NAP1L1: variants seen among roughly 807,000 people sequenced by gnomAD.
NAP1L1 encodes nucleosome assembly protein 1-like 1.
NAP1L1 carries 9 observed loss-of-function variants against 58.9 expected under a neutral mutation model. That is an observed-to-expected ratio of 0.15 (90% CI 0.09 to 0.27). The LOEUF (loss-of-function observed/expected upper bound fraction) is 0.27, where lower values mean the gene tolerates loss of function less well. Ranked by LOEUF, NAP1L1 falls within the 10% of genes least tolerant of loss-of-function variation. The probability of loss-of-function intolerance (pLI) is 1.00; values close to 1 mark genes in which losing one functional copy is unlikely to be tolerated. For missense variants in NAP1L1, 302 were observed against 458.8 expected (o/e 0.66, Z 3.12); for synonymous variants, 130 against 138.3 (o/e 0.94, Z 0.42).
chr12:76,073,376 C>T (rs1402943918), intron 2 of NAP1L1, among the ~76,000 whole-genome samples: 2 of 152,144 alleles, frequency 1.3e-5, no homozygotes, highest in South Asian at 2.1e-4. Flanking sequence ...TGTACCTCAT[C>T]CCATTCTTCC....
chr12:76,079,765 C>A (rs1225742247), intron 1 of NAP1L1, among the ~76,000 whole-genome samples: 1 of 151,326 alleles, frequency 6.6e-6, no homozygotes, highest in East Asian at 1.9e-4. Context: ...CTCACTGCAG[C>A]CTTGACCTCA....
At chr12:76,060,670 A>G (rs2137015925) in intron 4 of NAP1L1, among the ~76,000 whole-genome samples, 2 of 152,350 alleles carry the variant, frequency 1.3e-5, no homozygotes, top group Middle Eastern at 3.4e-3. Context: ...GAGCATAGAC[A>G]TATCAGGAAA....
chr12:76,080,803 A>T (rs1261716054), intron 1 of NAP1L1, among the ~76,000 whole-genome samples: 1 of 152,198 alleles, frequency 6.6e-6, no homozygotes, highest in African/African-American at 2.4e-5. Flanking sequence ...CAGCACTGAG[A>T]GATGGGGGTC....
At chr12:76,069,180 C>G (rs1405151382) in intron 2 of NAP1L1, among the ~76,000 whole-genome samples, 186 bp from the exon 3 acceptor site, 1 of 152,218 alleles carries the variant, frequency 6.6e-6, no homozygotes, top group Non-Finnish European at 1.5e-5. Flanking sequence ...CTTACACTTT[C>G]ATTAAAAGCA....
rs1161189253 is a variant in NAP1L1 at position 76,053,923 on chromosome 12, G to GCATA, written c.631-18_631-15dup. 6.3e-7 allele frequency: 1 copy of GCATA among 1,591,490 alleles called. No homozygotes were observed. The highest frequency in any genetic ancestry group is 8.5e-7 in the Non-Finnish European group (1 of 1,173,654). ...TAAGACAAAACTCTGGGGAGAGGAA[G>GCATA]CATAAAAATCAGTTAAATACCTACC... On this transcript the variant is annotated splice_polypyrimidine_tract_variant and intron_variant, in intron 8 of 14. Transcript: ENST00000618691.
intron 1 of NAP1L1, chr12:76,083,918 G>A (rs1255610246): frequency 6.6e-6 from 1 of 152,246 alleles, no homozygotes; most frequent in Non-Finnish European, 1.5e-5. Context: ...CCCAGCCAGT[G>A]GCCATGAAGC....
chr12:76,074,178 A>G (rs1290050371), intron 2 of NAP1L1, 25 bp downstream of exon 2: 1 of 1,570,050 alleles, frequency 6.4e-7, no homozygotes, highest in African/African-American at 1.4e-5. Context: ...AATCTCTGAA[A>G]AAGAACCAAC....
intron 13 of NAP1L1, 25 bp downstream of exon 13, chr12:76,049,731 T>G (rs779642243): frequency 3.7e-6 from 6 of 1,611,586 alleles, no homozygotes; most frequent in Non-Finnish European, 5.1e-6. Context: ...CACAGAGAAT[T>G]ATTTGCTCAT....
At chr12:76,063,503 A>C (rs1434555119) in intron 4 of NAP1L1, among the ~76,000 whole-genome samples, 2 of 152,222 alleles carry the variant, frequency 1.3e-5, no homozygotes. Flanking sequence ...AATAATAAAG[A>C]AGCAAACATT....
At chr12:76,080,473 A>C (rs145944846) in intron 1 of NAP1L1, among the ~76,000 whole-genome samples, 8 of 152,334 alleles carry the variant, frequency 5.3e-5, no homozygotes, top group Admixed American at 1.3e-4. Context: ...TAGGAACAAC[A>C]AACAGGCTAT....
At chr12:76,057,760 A>C in intron 6 of NAP1L1, 1 of 1,550,654 alleles carries the variant, frequency 6.4e-7, no homozygotes, top group Non-Finnish European at 8.7e-7. Flanking sequence ...AAATTCACCC[A>C]AACAAGAAGC....
At position 76,053,702 on chromosome 12, in the gene NAP1L1, C is replaced by T. The variant is rs979674054; in HGVS notation, c.770+68G>A. ...ATGTACATATGTAACTGAAAATAACCGAGTATACAAATCAAGTATAACAAA... is the reference window on the plus strand; with the variant it reads ...ATGTACATATGTAACTGAAAATAACTGAGTATACAAATCAAGTATAACAAA... On this transcript the variant is annotated intron_variant, in intron 9 of 14. Coordinates refer to ENST00000618691, the MANE Select transcript of NAP1L1 (RefSeq NM_004537.7). 7.2e-6 allele frequency: 11 copies of T among 1,529,670 alleles called. No homozygotes were observed. In the Admixed American group the frequency reaches 1.2e-4, roughly 17 times the overall value. The allele number at this position is 1,529,670 out of a possible 1,614,324, so 94.8% of individuals were successfully genotyped here.
In NAP1L1 at chr12:76,070,459, T is replaced by C. The variant is rs145394564; in HGVS notation, c.18-1465A>G. 1.1e-4 allele frequency among the ~76,000 whole-genome samples: 16 copies of C among 152,326 alleles called. No homozygotes were observed. The East Asian group carries it at 2.5e-3, about 24-fold the overall frequency. On this transcript the variant is annotated intron_variant, in intron 2 of 14. Transcript: ENST00000618691. ...ATAAACTTTAAGTGTTTGATAAGTG[T>C]ACACACTTAACGGTCACTGGTTACA...
intron 4 of NAP1L1, among the ~76,000 whole-genome samples, chr12:76,064,267 A>C (rs1389660006): frequency 6.6e-6 from 1 of 152,246 alleles, no homozygotes; most frequent in Non-Finnish European, 1.5e-5. Context: ...AGAAATGTTC[A>C]TCACAAATAT....
intron 1 of NAP1L1, among the ~76,000 whole-genome samples, chr12:76,077,931 C>T (rs1481295419): frequency 6.2e-5 from 8 of 130,014 alleles, no homozygotes; most frequent in East Asian, 2.3e-4. Flanking sequence ...TGCAGTGAGC[C>T]GAGATCACAC....
At chr12:76,065,972 G>A (rs750832921) in intron 4 of NAP1L1, among the ~76,000 whole-genome samples, 9 of 151,112 alleles carry the variant, frequency 6.0e-5, no homozygotes, top group African/African-American at 1.7e-4. Context: ...AGACAAACAC[G>A]GGTGTTTACA....
intron 1 of NAP1L1, among the ~76,000 whole-genome samples, chr12:76,076,397 G>A (rs574924646): frequency 6.6e-6 from 1 of 151,914 alleles, no homozygotes; most frequent in Non-Finnish European, 1.5e-5. Context: ...CTTCTTTGGG[G>A]TAGCACACAA....
chr12:76,056,655 A>G (rs181492705), intron 6 of NAP1L1: 4 of 455,568 alleles, frequency 8.8e-6, no homozygotes, highest in Non-Finnish European at 1.8e-5. Context: ...TCACTTGAAA[A>G]TGGCAACAAT....
chr12:76,064,051 C>T (rs544858531), intron 4 of NAP1L1, among the ~76,000 whole-genome samples: 7 of 152,126 alleles, frequency 4.6e-5, no homozygotes, highest in Admixed American at 3.9e-4. Context: ...ACCTGTGGCT[C>T]CCAGCTACTT....
Sources: allele counts gnomAD v4.1 joint callset (sites outside exome capture counted in the v4.1 genomes callset), GRCh38; gene constraint gnomAD v4.1.1; transcripts MANE v1.5; gene names NCBI Gene and HGNC (gene_info 2026-07-23, HGNC 2026-07-21).